The following MASP2 variants were observed in gnomAD, a reference collection of about 807,000 sequenced individuals.
The protein encoded by MASP2 is mannan-binding lectin serine protease 2.
In MASP2, 49 loss-of-function variants were observed where a neutral mutation model predicts 57.1. That is an observed-to-expected ratio of 0.86 (90% CI 0.68 to 1.09). MASP2 has a LOEUF of 1.09. Among genes scored for constraint, MASP2 ranks in the 50% least tolerant of loss-of-function variants. MASP2 has a pLI of 0.00. For missense variants in MASP2, 900 were observed against 874.8 expected (o/e 1.03, Z -0.36); for synonymous variants, 379 against 340.8 (o/e 1.11, Z -1.24).
chr1:11,040,352 T>G (rs1477321923), intron 6 of MASP2, among the ~76,000 whole-genome samples: 1 of 143,050 alleles, frequency 7.0e-6, no homozygotes, highest in Non-Finnish European at 1.5e-5. Flanking sequence ...GCCTGTAATC[T>G]CAGCTATTCT....
chr1:11,039,440 G>T (rs536106456), intron 6 of MASP2, among the ~76,000 whole-genome samples: 1 of 133,574 alleles, frequency 7.5e-6, no homozygotes, highest in African/African-American at 2.8e-5. Context: ...ATGGCTGGCT[G>T]GATAGAAAGA....
At chr1:11,037,882 G>T in intron 6 of MASP2, 71 bp from the exon 7 acceptor site, 1 of 818,470 alleles carries the variant, frequency 1.2e-6, no homozygotes, top group East Asian at 2.7e-5. Context: ...CGAGCCATCT[G>T]AAGTTCTTAG....
At chr1:11,030,711 A>G in intron 9 of MASP2, 37 bp downstream of exon 9, 1 of 1,556,796 alleles carries the variant, frequency 6.4e-7, no homozygotes, top group Non-Finnish European at 8.7e-7. Flanking sequence ...TCAAGTTCCA[A>G]GTATTGCCCA....
intron 6 of MASP2, among the ~76,000 whole-genome samples, chr1:11,039,283 C>G (rs1053204488): frequency 6.6e-6 from 1 of 152,088 alleles, no homozygotes; most frequent in Non-Finnish European, 1.5e-5. Flanking sequence ...CGTTACATAT[C>G]CCTAGTAGAC....
At chr1:11,044,096 G>A (rs1167405672) in intron 4 of MASP2, among the ~76,000 whole-genome samples, 1 of 152,218 alleles carries the variant, frequency 6.6e-6, no homozygotes, top group Non-Finnish European at 1.5e-5. Context: ...TCTCCTACCC[G>A]AACCCAGCCA....
intron 7 of MASP2, among the ~76,000 whole-genome samples, chr1:11,036,629 CTTTT>C (rs748876362): frequency 2.7e-5 from 3 of 110,258 alleles, no homozygotes; most frequent in Admixed American, 9.6e-5. Context: ...AAGTGTCTCT[CTTTT>C]TTTTTTTTTT....
At chr1:11,027,875 T>C (rs1253659727) in intron 10 of MASP2, among the ~76,000 whole-genome samples, 1 of 152,218 alleles carries the variant, frequency 6.6e-6, no homozygotes, top group African/African-American at 2.4e-5. Context: ...ATGAGATTAG[T>C]GAAAACTGAC....
Position 11,047,019 on chromosome 1 carries a change from G to A in MASP2, c.106C>T (p.Pro36Ser). 1.9e-6 allele frequency: 3 copies of A among 1,552,234 alleles called. No homozygotes were observed. The highest frequency in any genetic ancestry group is 2.6e-6 in the Non-Finnish European group (3 of 1,147,576). ...VFGRLASPGF[P>S]GEYANDQERR... ...TCCTGGTCATTGGCATACTCCCCTG[G>A]AAAGCCGGGGGATGCCAGGCGCCCG... Residue 36 changes from proline to serine, a missense_variant, in exon 2 of 11, where the codon CCA (proline) becomes TCA (serine). Transcript: ENST00000400897.
In MASP2 at chr1:11,043,398, C is replaced by G. The variant is rs746742964; in HGVS notation, c.682G>C (p.Val228Leu). ...EEGFSVILDF[V>L]ESFDVETHPE... The stretch of plus-strand genomic sequence containing the variant: ...TGTGTCTCCACATCGAAGGACTCCA[C>G]AAAGTCCAGAATGACACTGAACCCC... The change falls in exon 5 of 11, where the codon GTG (valine) becomes CTG (leucine). Residue 228 changes from valine (V) to leucine (L), a missense_variant. Physicochemically the swap from Val to Leu is conservative, Grantham distance 32. Transcript: ENST00000400897. 2 of 1,610,622 alleles carry G rather than the reference C, an allele frequency of 1.2e-6. No individual in the cohort carries two copies. The highest frequency in any genetic ancestry group is 1.7e-6 in the Non-Finnish European group (2 of 1,178,848).
chr1:11,027,578 A>G lies in MASP2; in HGVS notation c.1368T>C (p.Phe456=). 6.2e-7 allele frequency: 1 copy of G among 1,614,202 alleles called. No individual in the cohort carries two copies. Among genetic ancestry groups the G allele is most frequent in the Non-Finnish European group, 8.5e-7 (1 of 1,180,036 alleles). Residue 456 remains phenylalanine, a synonymous_variant, in exon 11 of 11, where the codon TTT becomes TTC. Transcript: ENST00000400897. ...CACCTAATATCAGGACTTGCCAAGG[A>G]AAATCACCAGGTTTTGCCTTTTGCC... ...YGGQKAKPGD[F]PWQVLILGGT... is the part of the protein sequence containing the mutation.
intron 6 of MASP2, among the ~76,000 whole-genome samples, chr1:11,038,992 A>G (rs1638333583): frequency 1.3e-5 from 2 of 152,122 alleles, no homozygotes; most frequent in Admixed American, 6.5e-5. Context: ...CACCCTGAAG[A>G]GTGAAGCCTC....
chr1:11,042,439 G>A (rs1456263548), intron 6 of MASP2, among the ~76,000 whole-genome samples: 1 of 45,666 alleles, frequency 2.2e-5, no homozygotes, highest in African/African-American at 5.0e-5. Context: ...TGGATGGATG[G>A]ATGAACGGAC....
chr1:11,027,287 C>G lies in MASP2; in HGVS notation c.1659G>C (p.Leu553=). The G allele has an allele frequency of 6.2e-7, 1 of 1,613,782 alleles. No homozygotes were observed. Among genetic ancestry groups the G allele is most frequent in the Non-Finnish European group, 8.5e-7 (1 of 1,179,842 alleles). Residue 553 remains leucine (L), a synonymous_variant, in exon 11 of 11, where the codon CTG becomes CTC. Coordinates refer to ENST00000400897, the MANE Select transcript of MASP2 (RefSeq NM_006610.4). ...TAAAGGATTCAGCTTCTTTTCTTGGCAGACAAATAGGCGTGATGTTGCTAT... is the reference window on the plus strand; with the variant it reads ...TAAAGGATTCAGCTTCTTTTCTTGGGAGACAAATAGGCGTGATGTTGCTAT... ...VINSNITPIC[L]PRKEAESFMR... is the part of the protein sequence containing the mutation.
rs748876362 is a variant in MASP2, at chr1:11,036,629, CTTTTTT to C, written c.1008+1058_1008+1063del. On this transcript the variant is annotated intron_variant, in intron 7 of 10. Transcript: ENST00000400897. ...TTTGCAAGGTGGGAAAAGTGTCTCT[CTTTTTT>C]TTTTTTTTTTTTTGACCCGCCACAG... Among the ~76,000 whole-genome samples the C allele has an allele frequency of 6.6e-3, 729 of 110,268 alleles. 7 individuals are homozygous for C. Among genetic ancestry groups the C allele is most frequent in the African/African-American group, 0.022 (658 of 29,944 alleles). The allele number at this position is 110,268 out of a possible 152,430, so 72.3% of individuals were successfully genotyped here.
Position 11,045,543 on chromosome 1 carries a change from G to A in MASP2, c.413-4C>T, listed in dbSNP as rs1192640921. 13 of 1,603,546 alleles carry A rather than the reference G, an allele frequency of 8.1e-6. No individual in the cohort carries two copies. Among genetic ancestry groups the A allele is most frequent in the Non-Finnish European group, 1.0e-5 (12 of 1,176,768 alleles). On this transcript the variant is annotated splice_region_variant and splice_polypyrimidine_tract_variant and intron_variant, in intron 3 of 10. Coordinates refer to ENST00000400897, the MANE Select transcript of MASP2 (RefSeq NM_006610.4). ...GCCACCTGGCACTCGTCAATGTCTGGGGGAGAGGCAGGGCCAGGCAGGCCG... is the reference window on the plus strand; with the variant it reads ...GCCACCTGGCACTCGTCAATGTCTGAGGGAGAGGCAGGGCCAGGCAGGCCG...
At chr1:11,041,056 T>C (rs530901426) in intron 6 of MASP2, among the ~76,000 whole-genome samples, 4 of 144,898 alleles carry the variant, frequency 2.8e-5, no homozygotes, top group African/African-American at 1.0e-4. Context: ...AATATAAGGA[T>C]GGGTGGGTGG....
At position 11,026,903 on chromosome 1, in the gene MASP2, G is replaced by T. The variant is rs147650324; in HGVS notation, c.2043C>A (p.Asn681Lys). Residue 681 changes from asparagine to lysine, a missense_variant, in exon 11 of 11, where the codon AAC (asparagine) becomes AAA (lysine). Coordinates refer to ENST00000400897, the MANE Select transcript of MASP2 (RefSeq NM_006610.4). ...KVINYIPWIE[N>K]IISDF ...ACGCAAGTTAAAAATCACTAATTAT[G>T]TTCTCGATCCAGGGAATATAGTTAA... The T allele has an allele frequency of 2.0e-6, 3 of 1,483,940 alleles. No homozygotes were observed. In the African/African-American group the frequency reaches 4.3e-5, roughly 21 times the overall value. 91.9% of individuals were successfully genotyped at this position (1,483,940 alleles called of 1,614,324 possible).
At chr1:11,034,978 A>C in intron 7 of MASP2, 72 bp from the exon 8 acceptor site, 23 of 1,109,542 alleles carry the variant, frequency 2.1e-5, no homozygotes, top group African/African-American at 3.1e-5. Context: ...CTGTGCTCTC[A>C]CAGCAGTTCC....
rs778011642 is a variant in MASP2 at position 11,037,811 on chromosome 1, G to A, written c.890C>T (p.Ala297Val). 23 of 1,596,166 alleles carry A rather than the reference G, an allele frequency of 1.4e-5. No individual in the cohort carries two copies. The highest frequency in any genetic ancestry group is 1.7e-4 in the Middle Eastern group (1 of 6,022). ...TGWKIHYTST[A>V]QPCPYPMAPP... ...CGCCATCGGATAAGGGCAAGGCTGC[G>A]CTGCGCAGAGGAAACCAGGCTTGTT... Residue 297 changes from alanine to valine, a missense_variant and splice_region_variant, in exon 7 of 11, where the codon GCG becomes GTG. Ala to Val is a moderately conservative substitution (Grantham distance 64). Transcript: ENST00000400897.
Sources: gnomAD v4.1 joint callset for allele counts (sites outside exome capture counted in the v4.1 genomes callset) on GRCh38, gnomAD v4.1.1 for gene constraint, MANE v1.5 for transcripts, NCBI Gene and HGNC (gene_info 2026-07-23, HGNC 2026-07-21) for gene names.